The following CLDN15 variants were observed in gnomAD, a reference collection of about 807,000 sequenced individuals.
CLDN15 encodes the protein claudin-15.
CLDN15 carries 9 observed loss-of-function variants against 24.5 expected under a neutral mutation model. The observed-to-expected ratio is 0.37, with a 90% CI of 0.22 to 0.64. The LOEUF is 0.64. Ranked by LOEUF, CLDN15 falls within the 30% of genes least tolerant of loss-of-function variation. The pLI, the probability that CLDN15 is intolerant of heterozygous loss-of-function variation, is 0.63. For missense variants in CLDN15, 248 were observed against 305.9 expected (o/e 0.81, Z 1.41); for synonymous variants, 149 against 131.4 (o/e 1.13, Z -0.92).
At chr7:101,236,939 C>T in intron 1 of CLDN15, 1 of 595,610 alleles carries the variant, frequency 1.7e-6, no homozygotes, top group Non-Finnish European at 2.8e-6. Context: ...TCCCCCTGCC[C>T]ACCCCAGCAA....
rs774837550 is a variant in CLDN15, at chr7:101,234,047, C to T, written c.382+231G>A. 4.3e-5 allele frequency: 30 copies of T among 694,574 alleles called. No homozygotes were observed. The African/African-American group carries it at 5.1e-4, about 12-fold the overall frequency. The allele number at this position is 694,574 out of a possible 1,614,324, so 43.0% of individuals were successfully genotyped here. Reference sequence around the variant, plus strand: ...TCTTATCTTCGAAGTCCCTCCCACACCTGGCCGTGGCCAGCCCCTACTGGG... The same window carrying T: ...TCTTATCTTCGAAGTCCCTCCCACATCTGGCCGTGGCCAGCCCCTACTGGG... On this transcript the variant is annotated intron_variant, in intron 2 of 4. Transcript: ENST00000308344.
rs780189931 is a variant in CLDN15 at position 101,232,642 on chromosome 7, G to C, written c.543C>G (p.Ser181=). The C allele has an allele frequency of 2.5e-6, 4 of 1,586,478 alleles. No individual in the cohort carries two copies. The highest frequency in any genetic ancestry group is 3.4e-6 in the Non-Finnish European group (4 of 1,166,636). ...CCTCGTCAGAGCCGCAGCAGCAGGC[G>C]GAGCAGAGGCAGAGGCCACCCAGGA... ...ISILGGLCLC[S]ACCCGSDEDP... is the part of the protein sequence containing the mutation. The change falls in exon 4 of 5, where the codon TCC becomes TCG. Residue 181 remains serine, a synonymous_variant. Transcript: ENST00000308344.
In CLDN15 at chr7:101,237,494, G is replaced by A. The variant is rs1293931985; in HGVS notation, c.88C>T (p.Arg30Ter). Residue 30 changes from arginine to a stop codon, truncating the protein, a stop_gained, in exon 1 of 5, where the codon CGA becomes TGA. Coordinates refer to ENST00000308344, the MANE Select transcript of CLDN15 (RefSeq NM_014343.3). LOFTEE classifies it high-confidence loss of function. This position sits in a 1 kb window ranked among gnomAD's most constrained non-coding sequence, Gnocchi z 4.0. ...LGVTLPNSYWRVSTVHGNVIT... is the reference protein window; with the variant it reads ...LGVTLPNSYW ...ACGTTCCCGTGCACAGTGGACACTC[G>A]CCAGTAGCTGTTTGGCAGAGTCACC... 1.2e-6 allele frequency: 2 copies of A among 1,613,920 alleles called. No homozygotes were observed. Among genetic ancestry groups the A allele is most frequent in the Admixed American group, 1.7e-5 (1 of 60,002 alleles).
intron 1 of CLDN15, among the ~76,000 whole-genome samples, chr7:101,235,836 G>A (rs531360272): frequency 5.1e-4 from 78 of 152,264 alleles, no homozygotes; most frequent in African/African-American, 1.8e-3. Context: ...GGGCTGCGTG[G>A]CCAGGGGCTG....
intron 1 of CLDN15, among the ~76,000 whole-genome samples, chr7:101,235,390 A>T (rs1468383228): frequency 6.6e-6 from 1 of 152,110 alleles, no homozygotes; most frequent in South Asian, 2.1e-4. Flanking sequence ...CAGCCTCCTG[A>T]GTAGCTCAGG....
chr7:101,232,685 C>G lies in CLDN15; in HGVS notation c.500G>C (p.Ser167Thr), dbSNP rs761164428. The G allele has an allele frequency of 1.3e-6, 2 of 1,593,366 alleles. No individual in the cohort carries two copies. Among genetic ancestry groups the G allele is most frequent in the Non-Finnish European group, 1.7e-6 (2 of 1,170,504 alleles). ...ACCCAGGATGGAGATCAGTGAGGCG[C>G]TCCACCCCAGGTAGAGGGCGGGGCC... The part of the protein sequence containing the change: ...ELGPALYLGW[S>T]ASLISILGGL... Residue 167 changes from serine to threonine, a missense_variant, in exon 4 of 5, where the codon AGC becomes ACC. Ser to Thr is a moderately conservative substitution (Grantham distance 58). Coordinates refer to ENST00000308344, the MANE Select transcript of CLDN15 (RefSeq NM_014343.3).
intron 1 of CLDN15, among the ~76,000 whole-genome samples, chr7:101,235,874 G>A (rs1317104617): frequency 3.9e-5 from 6 of 152,078 alleles, no homozygotes; most frequent in Non-Finnish European, 5.9e-5. Flanking sequence ...ACGCAGTCAG[G>A]TCCCTCTCCC....
At position 101,232,408 on chromosome 7, in the gene CLDN15, T is replaced by G; in HGVS notation, c.*2A>C. 2 of 1,606,512 alleles carry G rather than the reference T, an allele frequency of 1.2e-6. No individual in the cohort carries two copies. The highest frequency in any genetic ancestry group is 1.7e-6 in the Non-Finnish European group (2 of 1,173,722). The stretch of plus-strand genomic sequence containing the variant: ...GACAGCGGGGCCCACGGGCCAGAGC[T>G]GCTACACGTAGGCGTTTCTGCCGTA... On this transcript the variant is annotated 3_prime_UTR_variant, in exon 5 of 5. Coordinates refer to ENST00000308344, the MANE Select transcript of CLDN15 (RefSeq NM_014343.3).
At chr7:101,234,136 C>T (rs751036515) in intron 2 of CLDN15, 142 bp downstream of exon 2, 1 of 791,788 alleles carries the variant, frequency 1.3e-6, no homozygotes, top group East Asian at 2.4e-5. Flanking sequence ...ACAGATGAGG[C>T]AGGGGTGAGC....
In CLDN15 at chr7:101,234,424, C is replaced by T. The variant is rs763488001; in HGVS notation, c.236G>A (p.Arg79Gln). 1.9e-6 allele frequency: 3 copies of T among 1,612,790 alleles called. No homozygotes were observed. Among genetic ancestry groups the T allele is most frequent in the East Asian group, 2.2e-5 (1 of 44,834 alleles). ...GAGGATGGCGGTGATCATGAGTGCC[C>T]GGCAGGCCTGAATATACCCTGGGGG... The part of the protein sequence containing the change: ...LALSGYIQAC[R>Q]ALMITAILLG... Residue 79 changes from arginine to glutamine, a missense_variant, in exon 2 of 5, where the codon CGG (arginine) becomes CAG (glutamine). Physicochemically the swap from Arg to Gln is conservative, Grantham distance 43 (BLOSUM62 1). Coordinates refer to ENST00000308344, the MANE Select transcript of CLDN15 (RefSeq NM_014343.3).
chr7:101,234,248 A>AC (rs774399133), intron 2 of CLDN15, 30 bp downstream of exon 2: 6 of 1,559,820 alleles, frequency 3.8e-6, no homozygotes, highest in Non-Finnish European at 5.3e-6. Context: ...GTTGAGGGGG[A>AC]CCCCCGCCCC....
chr7:101,237,913 A>G (rs1798667084), upstream of CLDN15: 1 of 367,020 alleles, frequency 2.7e-6, no homozygotes, highest in East Asian at 6.1e-5. This position sits in a 1 kb window ranked among gnomAD's most constrained non-coding sequence, Gnocchi z 4.0. Flanking sequence ...TCCCCGCCCC[A>G]CGAGGGTGGG....
chr7:101,237,627 G>C lies in CLDN15; in HGVS notation c.-46C>G, dbSNP rs549432025. 7.1e-7 allele frequency: 1 copy of C among 1,415,702 alleles called. No individual in the cohort carries two copies. The highest frequency in any genetic ancestry group is 1.0e-6 in the Non-Finnish European group (1 of 1,002,798). The allele number at this position is 1,415,702 out of a possible 1,614,324, so 87.7% of individuals were successfully genotyped here. A position where few individuals can be genotyped will look rare whatever the true frequency, so the allele number is the denominator to read the frequency against. ...GGGGCTGGTGCCCCAGAGAGGGGGA[G>C]GGGCAGAACCCCTAGGGAACTGGAA... On this transcript the variant is annotated 5_prime_UTR_variant, in exon 1 of 5. Transcript: ENST00000308344. The surrounding 1 kb of genome is among the most constrained non-coding windows in gnomAD (Gnocchi z 4.0).
chr7:101,232,315 G>A lies in CLDN15; in HGVS notation c.*95C>T. On this transcript the variant is annotated 3_prime_UTR_variant, in exon 5 of 5. Transcript: ENST00000308344. ...GGCGGGGCTACGGGAGCGGGGCGTG[G>A]CCGGCCCCTGAGGTTACTATAGGGG... 2 of 854,386 alleles carry A rather than the reference G, an allele frequency of 2.3e-6. No homozygotes were observed. Among genetic ancestry groups the A allele is most frequent in the Non-Finnish European group, 3.6e-6 (2 of 548,024 alleles). 52.9% of individuals were successfully genotyped at this position (854,386 alleles called of 1,614,324 possible).
Position 101,232,359 on chromosome 7 carries a change from C to A in CLDN15, c.*51G>T. On this transcript the variant is annotated 3_prime_UTR_variant, in exon 5 of 5. Coordinates refer to ENST00000308344, the MANE Select transcript of CLDN15 (RefSeq NM_014343.3). ...ATAGGGGAATGGGCCCCGGCCAGGT[C>A]CCCTCTCCTTGGGGCAGTGGGAAGA... The A allele has an allele frequency of 7.4e-7, 1 of 1,355,478 alleles. No homozygotes were observed. The highest frequency in any genetic ancestry group is 1.4e-5 in the African/African-American group (1 of 69,450). The allele number at this position is 1,355,478 out of a possible 1,614,324, so 84.0% of individuals were successfully genotyped here.
Position 101,237,166 on chromosome 7 carries a change from AGCG to A in CLDN15, c.217+196_217+198del, listed in dbSNP as rs1161480353. Among the ~76,000 whole-genome samples the A allele has an allele frequency of 1.3e-5, 2 of 151,738 alleles. No individual in the cohort carries two copies. The highest frequency in any genetic ancestry group is 4.9e-5 in the African/African-American group (2 of 41,034). ...CTGTAACAGCTAAAAGCGCCACACT[AGCG>A]CAGGGGGCCACGTGTGGCAAGGTCT... On this transcript the variant is annotated intron_variant, in intron 1 of 4. Coordinates refer to ENST00000308344, the MANE Select transcript of CLDN15 (RefSeq NM_014343.3). The surrounding 1 kb of genome is among the most constrained non-coding windows in gnomAD (Gnocchi z 4.0).
rs546571567 is a variant in CLDN15, at chr7:101,232,648, G to A, written c.537C>T (p.Leu179=). The part of the protein sequence containing the change: ...SLISILGGLC[L]CSACCCGSDE... ...CAGAGCCGCAGCAGCAGGCGGAGCA[G>A]AGGCAGAGGCCACCCAGGATGGAGA... is the stretch of plus-strand genomic sequence containing the variant. Residue 179 remains leucine, a synonymous_variant, in exon 4 of 5, where the codon CTC becomes CTT. Coordinates refer to ENST00000308344, the MANE Select transcript of CLDN15 (RefSeq NM_014343.3). 1.8e-5 allele frequency: 29 copies of A among 1,586,642 alleles called. No homozygotes were observed. The highest frequency in any genetic ancestry group is 8.6e-7 in the Non-Finnish European group (1 of 1,166,764).
chr7:101,232,532 G>A lies in CLDN15; in HGVS notation c.582-17C>T, dbSNP rs760629381. 1.2e-6 allele frequency: 2 copies of A among 1,603,642 alleles called. No individual in the cohort carries two copies. The highest frequency in any genetic ancestry group is 1.7e-5 in the Admixed American group (1 of 59,686). ...CGCCGGGCGCTGCGGGGAGGGCCCG[G>A]GGTCAGAGCGGGGGCGCGGCCCTCC... On this transcript the variant is annotated splice_polypyrimidine_tract_variant and intron_variant, in intron 4 of 4. Coordinates refer to ENST00000308344, the MANE Select transcript of CLDN15 (RefSeq NM_014343.3).
Position 101,232,609 on chromosome 7 carries a change from G to A in CLDN15, c.576C>T (p.Ala192=), listed in dbSNP as rs753128708. 1 of 1,592,838 alleles carries A rather than the reference G, an allele frequency of 6.3e-7. No homozygotes were observed. Among genetic ancestry groups the A allele is most frequent in the Non-Finnish European group, 8.5e-7 (1 of 1,169,934 alleles). ...CTGCGCCTCACCCTGCTCACCTGGC[G>A]GCTGGGTCCTCGTCAGAGCCGCAGC... The part of the protein sequence containing the change: ...ACCCGSDEDP[A]ASARRPYQAP... Residue 192 remains alanine (A), a synonymous_variant, in exon 4 of 5, where the codon GCC becomes GCT. Coordinates refer to ENST00000308344, the MANE Select transcript of CLDN15 (RefSeq NM_014343.3).
Sources: gnomAD v4.1 joint callset for allele counts (sites outside exome capture counted in the v4.1 genomes callset) on GRCh38, gnomAD v4.1.1 for gene constraint, Gnocchi (gnomAD v3.1) non-coding constraint, MANE v1.5 for transcripts, NCBI Gene and HGNC (gene_info 2026-07-23, HGNC 2026-07-21) for gene names.